The following SNX29 variants were observed in gnomAD, a reference collection of about 807,000 sequenced individuals.
SNX29 encodes the protein sorting nexin 29.
A neutral mutation model predicts 102.1 loss-of-function variants in SNX29; 78 were observed. The ratio of observed to expected loss-of-function variants is 0.76; its 90% confidence interval spans 0.64 to 0.92. The LOEUF is 0.92. Ranked by LOEUF, SNX29 falls within the 40% of genes least tolerant of loss-of-function variation. The pLI is 0.00. For missense variants in SNX29, 1,280 were observed against 1,061.7 expected (o/e 1.21, Z -2.86); for synonymous variants, 580 against 414.5 (o/e 1.40, Z -4.85).
chr16:12,199,615 T>C lies in SNX29; in HGVS notation c.1610T>C (p.Leu537Pro). The C allele has an allele frequency of 1.2e-6, 2 of 1,612,874 alleles. No homozygotes were observed. The highest frequency in any genetic ancestry group is 1.7e-6 in the Non-Finnish European group (2 of 1,179,360). ...TGTACCTGCAGAGAGAACGAGGTGC[T>C]CAAAGTCCAACTGAAGAAATATGTA... The part of the protein sequence containing the change: ...VQALARENEV[L>P]KVQLKKYVGA... Residue 537 changes from leucine to proline, a missense_variant, in exon 14 of 21, where the codon CTC (leucine) becomes CCC (proline). Physicochemically the swap from Leu to Pro is moderately conservative, Grantham distance 98 (BLOSUM62 -3). Transcript: ENST00000566228.
chr16:12,231,353 AATTGAACT>A (rs2077763127), intron 14 of SNX29, among the ~76,000 whole-genome samples: 1 of 152,308 alleles, frequency 6.6e-6, no homozygotes, highest in Admixed American at 6.5e-5. Flanking sequence ...TTAAAAACAT[AATTGAACT>A]CCTGCTGTGC....
chr16:12,572,029 A>G lies in SNX29; in HGVS notation c.*3400A>G. On this transcript the variant is annotated 3_prime_UTR_variant, in exon 21 of 21. Coordinates refer to ENST00000566228, the MANE Select transcript of SNX29 (RefSeq NM_032167.5). ...TAGGGAGCTGCTGGCTATAAAAGGG[A>G]TCATCCAGTGGAGTTGTAAACAAGG... The G allele has an allele frequency of 3.8e-6, 4 of 1,063,006 alleles. No homozygotes were observed. Among genetic ancestry groups the G allele is most frequent in the Non-Finnish European group, 4.6e-6 (4 of 877,856 alleles). 65.8% of individuals were successfully genotyped at this position (1,063,006 alleles called of 1,614,324 possible).
rs188659822 is a variant in SNX29 at position 12,515,955 on chromosome 16, C to T, written c.2179-8747C>T. On this transcript the variant is annotated intron_variant, in intron 19 of 20. Coordinates refer to ENST00000566228, the MANE Select transcript of SNX29 (RefSeq NM_032167.5). ...GATCAGGCAGCCCCTCCTTTCTCCA[C>T]GTGTGGGCTACATGCTCCCAGAGAA... Among the ~76,000 whole-genome samples, 218 of 152,210 alleles carry T rather than the reference C, an allele frequency of 1.4e-3. 1 individual carries two copies. Among genetic ancestry groups the T allele is most frequent in the Middle Eastern group, 3.4e-3 (1 of 294 alleles).
intron 19 of SNX29, among the ~76,000 whole-genome samples, chr16:12,517,724 G>C (rs1189122986): frequency 1.3e-5 from 2 of 152,164 alleles, no homozygotes; most frequent in Admixed American, 6.5e-5. Context: ...GGGGGAGTTA[G>C]CAAGAGTCCT....
In SNX29 at chr16:12,131,998, A is replaced by G. The variant is rs144929405; in HGVS notation, c.1595+2240A>G. 4.0e-3 allele frequency among the ~76,000 whole-genome samples: 605 copies of G among 152,298 alleles called. 4 individuals are homozygous for G. The highest frequency in any genetic ancestry group is 0.01 in the Middle Eastern group (3 of 294). On this transcript the variant is annotated intron_variant, in intron 13 of 20. Coordinates refer to ENST00000566228, the MANE Select transcript of SNX29 (RefSeq NM_032167.5). ...GACCACCCTTTTGCCTGGCCATGCT[A>G]GAGTTTTGCCGCATAATTGCATTTA...
rs936998346 is a variant in SNX29 at position 12,572,978 on chromosome 16, G to T, written c.*4349G>T. ...AAGGTCAAAGATTTTTCAAAATATT[G>T]TGCATTAATTCATTAAAGCTACTGT... is the stretch of plus-strand genomic sequence containing the variant. On this transcript the variant is annotated 3_prime_UTR_variant, in exon 21 of 21. Coordinates refer to ENST00000566228, the MANE Select transcript of SNX29 (RefSeq NM_032167.5). 11 of 467,068 alleles carry T rather than the reference G, an allele frequency of 2.4e-5. No individual in the cohort carries two copies. Among genetic ancestry groups the T allele is most frequent in the Middle Eastern group, 8.0e-4 (1 of 1,246 alleles). 28.9% of individuals were successfully genotyped at this position (467,068 alleles called of 1,614,324 possible). A position where few individuals can be genotyped will look rare whatever the true frequency, so the allele number is the denominator to read the frequency against.
At chr16:12,251,226 T>G (rs1297207039) in intron 14 of SNX29, among the ~76,000 whole-genome samples, 1 of 152,240 alleles carries the variant, frequency 6.6e-6, no homozygotes, top group Non-Finnish European at 1.5e-5. Context: ...TGATAATAGC[T>G]CCTGCCTCAG....
chr16:12,084,396 G>A (rs912001088), intron 11 of SNX29, among the ~76,000 whole-genome samples: 16 of 152,234 alleles, frequency 1.1e-4, no homozygotes, highest in Admixed American at 8.5e-4. Flanking sequence ...CGCCCACCTC[G>A]GCTTTCCAAA....
At chr16:12,232,109 T>G (rs1436729994) in intron 14 of SNX29, among the ~76,000 whole-genome samples, 2 of 152,216 alleles carry the variant, frequency 1.3e-5, no homozygotes, top group African/African-American at 4.8e-5. Context: ...TTGTTGTGAT[T>G]TAGGCACTTG....
In SNX29 at chr16:12,118,309, C is replaced by T. The variant is rs941225457; in HGVS notation, c.1403-8324C>T. Among the ~76,000 whole-genome samples the T allele has an allele frequency of 9.4e-5, 9 of 95,490 alleles. No homozygotes were observed. In the East Asian group the frequency reaches 5.4e-3, roughly 58 times the overall value. The allele number at this position is 95,490 out of a possible 152,430, so 62.6% of individuals were successfully genotyped here. On this transcript the variant is annotated intron_variant, in intron 11 of 20. Coordinates refer to ENST00000566228, the MANE Select transcript of SNX29 (RefSeq NM_032167.5). Reference sequence around the variant, plus strand: ...AGACTGTAGATAGTAGATATACAGACCACCTTTTTTTTTTTTTTTTTTTTT... The same window carrying T: ...AGACTGTAGATAGTAGATATACAGATCACCTTTTTTTTTTTTTTTTTTTTT...
At chr16:12,456,515 G>GTA (rs1260029727) in intron 18 of SNX29, among the ~76,000 whole-genome samples, 32 of 151,834 alleles carry the variant, frequency 2.1e-4, no homozygotes, top group Admixed American at 2.0e-3. Context: ...ACGTGTGTGT[G>GTA]TGTGTGTGTG....
At chr16:12,047,732 A>C (rs1449454394) in intron 6 of SNX29, among the ~76,000 whole-genome samples, 1 of 144,814 alleles carries the variant, frequency 6.9e-6, no homozygotes, top group Non-Finnish European at 1.5e-5. Flanking sequence ...ATCTTGGCTC[A>C]CCACAACCTC....
intron 14 of SNX29, among the ~76,000 whole-genome samples, chr16:12,232,032 A>T (rs1288069410): frequency 6.6e-6 from 1 of 152,108 alleles, no homozygotes; most frequent in Non-Finnish European, 1.5e-5. Context: ...GTAAGTTCTC[A>T]TGTCTGGGAA....
chr16:12,088,163 C>T (rs199968441), intron 11 of SNX29: 67 of 455,762 alleles, frequency 1.5e-4, no homozygotes, highest in Non-Finnish European at 2.2e-5. Context: ...CTCACAGTGT[C>T]ACTGTTTGGG....
rs539292812 is a variant in SNX29, at chr16:12,317,544, G to C, written c.1783-38619G>C. Among the ~76,000 whole-genome samples the C allele has an allele frequency of 1.1e-4, 17 of 152,284 alleles. No individual in the cohort carries two copies. In the South Asian group the frequency reaches 3.5e-3, roughly 32 times the overall value. On this transcript the variant is annotated intron_variant, in intron 15 of 20. Transcript: ENST00000566228. ...CCTCAAGGATGGGAACGTGCTGCTTGTAAAGCCATAAAGAACAAATAACAT... is the reference window on the plus strand; with the variant it reads ...CCTCAAGGATGGGAACGTGCTGCTTCTAAAGCCATAAAGAACAAATAACAT...
At chr16:12,241,945 C>T (rs1020188161) in intron 14 of SNX29, among the ~76,000 whole-genome samples, 2 of 152,128 alleles carry the variant, frequency 1.3e-5, no homozygotes, top group African/African-American at 4.8e-5. Flanking sequence ...AGGCTGTGCT[C>T]AGGTTCCTGG....
chr16:12,418,987 G>C (rs561279582), intron 18 of SNX29, among the ~76,000 whole-genome samples: 1 of 152,340 alleles, frequency 6.6e-6, no homozygotes, highest in South Asian at 2.1e-4. Context: ...GTGGAAAGAA[G>C]GGGCTGCTGG....
At position 12,569,412 on chromosome 16, in the gene SNX29, C is replaced by G. The variant is rs919071551; in HGVS notation, c.*783C>G. On this transcript the variant is annotated 3_prime_UTR_variant, in exon 21 of 21. Coordinates refer to ENST00000566228, the MANE Select transcript of SNX29 (RefSeq NM_032167.5). ...CAGCCATCAGCAGCAACCTAGTAAC[C>G]CGGCGTCATCCAGCGTGTCCAAAGT... The G allele has an allele frequency of 4.3e-6, 1 of 230,722 alleles. No homozygotes were observed. Among genetic ancestry groups the G allele is most frequent in the Non-Finnish European group, 8.6e-6 (1 of 116,598 alleles). The allele number at this position is 230,722 out of a possible 1,614,324, so 14.3% of individuals were successfully genotyped here. A position where few individuals can be genotyped will look rare whatever the true frequency, so the allele number is the denominator to read the frequency against.
intron 13 of SNX29, among the ~76,000 whole-genome samples, chr16:12,156,674 A>G (rs1382092789): frequency 6.6e-6 from 1 of 152,178 alleles, no homozygotes; most frequent in African/African-American, 2.4e-5. Context: ...CTCTACCTCT[A>G]TGGCCTCATC....
Sources: gnomAD v4.1 joint callset for allele counts (sites outside exome capture counted in the v4.1 genomes callset) on GRCh38, gnomAD v4.1.1 for gene constraint, MANE v1.5 for transcripts, NCBI Gene and HGNC (gene_info 2026-07-23, HGNC 2026-07-21) for gene names.